Variants in DNAJC5B observed in about 807,000 individuals in gnomAD.
DNAJC5B encodes the protein DnaJ heat shock protein family (Hsp40) member C5 beta, also known as dnaJ homolog subfamily C member 5B.
DNAJC5B carries 23 observed loss-of-function variants against 24.7 expected under a neutral mutation model. That is an observed-to-expected ratio of 0.93 (90% CI 0.67 to 1.32). The LOEUF is 1.32. Among genes scored for constraint, DNAJC5B ranks in the 40% most tolerant of loss-of-function variants. DNAJC5B has a pLI of 0.00. For synonymous variants in DNAJC5B, 101 were observed against 90.1 expected (o/e 1.12, Z -0.68); for missense variants, 238 against 240.8 (o/e 0.99, Z 0.08).
intron 1 of DNAJC5B, among the ~76,000 whole-genome samples, chr8:66,023,445 G>C (rs1806185970): frequency 6.6e-6 from 1 of 152,134 alleles, no homozygotes; most frequent in African/African-American, 2.4e-5. Context: ...TGAGATAACA[G>C]TGAAAATAAA....
At chr8:66,048,024 A>T (rs1806760414) in intron 2 of DNAJC5B, among the ~76,000 whole-genome samples, 1 of 152,164 alleles carries the variant, frequency 6.6e-6, no homozygotes, top group Non-Finnish European at 1.5e-5. Context: ...TATCACCATT[A>T]TCTCCATTAG....
At chr8:66,098,675 T>C (rs1023105423) in intron 5 of DNAJC5B, among the ~76,000 whole-genome samples, 6 of 152,112 alleles carry the variant, frequency 3.9e-5, no homozygotes, top group African/African-American at 1.4e-4. Context: ...TCTTTTATAT[T>C]TTCTCTTTGT....
At position 66,098,997 on chromosome 8, in the gene DNAJC5B, G is replaced by GTC. The variant is rs146100489; in HGVS notation, c.506-924_506-923dup. ...TCTGTCTCTCTGTCTGTCTCTCTCT[G>GTC]TCTCTCTCTCTCTCTCTAATTCTCT... is the stretch of plus-strand genomic sequence containing the variant. On this transcript the variant is annotated intron_variant, in intron 5 of 5. Transcript: ENST00000276570. 1.5e-3 allele frequency among the ~76,000 whole-genome samples: 212 copies of GTC among 142,894 alleles called. 1 individual carries two copies. The Middle Eastern group carries it at 0.015, about 10-fold the overall frequency. 93.7% of individuals were successfully genotyped at this position (142,894 alleles called of 152,430 possible). A position where few individuals can be genotyped will look rare whatever the true frequency, so the allele number is the denominator to read the frequency against.
chr8:66,081,261 C>T (rs1372321647), intron 5 of DNAJC5B, among the ~76,000 whole-genome samples: 5 of 152,104 alleles, frequency 3.3e-5, no homozygotes, highest in Non-Finnish European at 7.4e-5. Context: ...GAATACTTTA[C>T]GTCCTCTGGG....
At chr8:66,042,952 T>A (rs916151512) in intron 1 of DNAJC5B, among the ~76,000 whole-genome samples, 1 of 152,016 alleles carries the variant, frequency 6.6e-6, no homozygotes, top group African/African-American at 2.4e-5. Context: ...GAATAACACC[T>A]GTCTCATGTA....
intron 3 of DNAJC5B, among the ~76,000 whole-genome samples, chr8:66,069,599 G>C (rs1176077245): frequency 6.6e-6 from 1 of 152,210 alleles, no homozygotes; most frequent in East Asian, 1.9e-4. Flanking sequence ...TCCAGGACCA[G>C]ATGGATTCAC....
At chr8:66,029,099 C>T (rs16932423) in intron 1 of DNAJC5B, among the ~76,000 whole-genome samples, 16,888 of 152,196 alleles carry the variant, frequency 0.11, 1,470 homozygotes, top group African/African-American at 0.25. Flanking sequence ...ACTCCTAATC[C>T]GGCCTCCTCC....
At chr8:66,090,128 C>T (rs1807815028) in intron 5 of DNAJC5B, among the ~76,000 whole-genome samples, 1 of 151,998 alleles carries the variant, frequency 6.6e-6, no homozygotes, top group Non-Finnish European at 1.5e-5. Flanking sequence ...ACCCTATACT[C>T]CTCTAGCAGT....
intron 3 of DNAJC5B, among the ~76,000 whole-genome samples, chr8:66,064,637 G>C (rs1391368245): frequency 6.6e-6 from 1 of 152,190 alleles, no homozygotes; most frequent in Non-Finnish European, 1.5e-5. Flanking sequence ...TTGGGAGCTT[G>C]GGCCAGATAC....
chr8:66,050,205 T>C (rs1426272115), intron 2 of DNAJC5B, among the ~76,000 whole-genome samples: 1 of 152,186 alleles, frequency 6.6e-6, no homozygotes, highest in Non-Finnish European at 1.5e-5. Context: ...TTGACCATGC[T>C]CAGGGAGCTG....
At chr8:66,085,754 T>C (rs1236490049) in intron 5 of DNAJC5B, among the ~76,000 whole-genome samples, 1 of 152,160 alleles carries the variant, frequency 6.6e-6, no homozygotes, top group East Asian at 1.9e-4. Context: ...TATTTTTTTT[T>C]ACAAAATTGT....
intron 1 of DNAJC5B, among the ~76,000 whole-genome samples, chr8:66,023,614 T>C (rs1806189892): frequency 6.6e-6 from 1 of 152,230 alleles, no homozygotes; most frequent in Admixed American, 6.5e-5. Context: ...GATAATACTT[T>C]GTTTATGAAT....
chr8:66,084,593 T>G (rs1807679945), intron 5 of DNAJC5B, among the ~76,000 whole-genome samples: 1 of 152,086 alleles, frequency 6.6e-6, no homozygotes, highest in South Asian at 2.1e-4. Flanking sequence ...GTGGGGAGGT[T>G]TAGGACTTTG....
chr8:66,082,285 C>G (rs1265245133), intron 5 of DNAJC5B, among the ~76,000 whole-genome samples: 2 of 151,842 alleles, frequency 1.3e-5, no homozygotes, highest in African/African-American at 2.4e-5. Context: ...AGTGGGAAAA[C>G]CAAACCTAGG....
intron 3 of DNAJC5B, among the ~76,000 whole-genome samples, chr8:66,074,802 C>T (rs537634272): frequency 1.2e-4 from 19 of 152,300 alleles, no homozygotes; most frequent in South Asian, 4.1e-4. Context: ...CTCTGCTCAC[C>T]ATACTTCCCG....
At chr8:66,057,928 C>A (rs925935006) in intron 3 of DNAJC5B, 1 of 152,148 alleles carries the variant, frequency 6.6e-6, no homozygotes, top group African/African-American at 2.4e-5. Flanking sequence ...AAAGGAAGTT[C>A]TTCGAAAGAA....
At chr8:66,015,401 C>T in the DNAJC5B span, among the ~76,000 whole-genome samples, 2 of 152,000 alleles carry the variant, frequency 1.3e-5, no homozygotes, top group Admixed American at 6.6e-5. Context: ...TGTAGTAGAT[C>T]ATTTTTTTTT....
chr8:66,063,767 A>T lies in DNAJC5B; in HGVS notation c.119+12101A>T, dbSNP rs552140768. ...TATTTATATTATACTATGAGAGATG[A>T]ATATACATATAATATTCATTGTATT... On this transcript the variant is annotated intron_variant, in intron 3 of 5. Coordinates refer to ENST00000276570, the MANE Select transcript of DNAJC5B (RefSeq NM_033105.6). Among the ~76,000 whole-genome samples the T allele has an allele frequency of 2.0e-5, 3 of 152,388 alleles. No individual in the cohort carries two copies. In the South Asian group the frequency reaches 6.2e-4, roughly 32 times the overall value.
At chr8:66,060,314 A>T (rs1807053651) in intron 3 of DNAJC5B, among the ~76,000 whole-genome samples, 1 of 152,130 alleles carries the variant, frequency 6.6e-6, no homozygotes. Flanking sequence ...CCCTCCCCAG[A>T]CTAAGAGAGG....
Sources: gnomAD v4.1 joint callset for allele counts (sites outside exome capture counted in the v4.1 genomes callset) on GRCh38, gnomAD v4.1.1 for gene constraint, MANE v1.5 for transcripts, NCBI Gene and HGNC (gene_info 2026-07-23, HGNC 2026-07-21) for gene names.